The following KIF6 variants were observed in gnomAD, a reference collection of about 807,000 sequenced individuals.
KIF6 encodes the protein kinesin-like protein KIF6.
A neutral mutation model predicts 112.7 loss-of-function variants in KIF6; 106 were observed. The observed-to-expected ratio is 0.94, with a 90% CI of 0.80 to 1.11. KIF6 has a LOEUF of 1.11. Among genes scored for constraint, KIF6 ranks in the 50% least tolerant of loss-of-function variants. The probability of loss-of-function intolerance (pLI) is 0.00; values close to 1 mark genes in which losing one functional copy is unlikely to be tolerated. For missense variants in KIF6, 929 were observed against 964.0 expected, an observed-to-expected ratio of 0.96 and a Z score of 0.48; for synonymous variants, 339 against 339.9, an observed-to-expected ratio of 1.00 and a Z score of 0.03.
At position 39,596,039 on chromosome 6, in the gene KIF6, C is replaced by A; in HGVS notation, c.846+15G>T. ...TAGCTATAGTTATTAATACATCCCA[C>A]TCTGCCCATTTTACCTGTTCTAAGT... On this transcript the variant is annotated intron_variant, in intron 7 of 22. Transcript: ENST00000287152. 1 of 1,603,322 alleles carries A rather than the reference C, an allele frequency of 6.2e-7. No homozygotes were observed. Among genetic ancestry groups the A allele is most frequent in the Non-Finnish European group, 8.5e-7 (1 of 1,170,316 alleles).
chr6:39,537,857 A>AC (rs1778537875), intron 13 of KIF6, among the ~76,000 whole-genome samples: 1 of 152,234 alleles, frequency 6.6e-6, no homozygotes, highest in Non-Finnish European at 1.5e-5. Context: ...TGGTACTGGT[A>AC]CCAAAACAGA....
At chr6:39,640,584 G>A (rs766103476) in intron 3 of KIF6, among the ~76,000 whole-genome samples, 1 of 152,024 alleles carries the variant, frequency 6.6e-6, no homozygotes, top group Non-Finnish European at 1.5e-5. Flanking sequence ...TGTTGTGGGT[G>A]GATTTTTTGA....
At chr6:39,720,200 C>T (rs114592306) in intron 2 of KIF6, among the ~76,000 whole-genome samples, 292 of 152,214 alleles carry the variant, frequency 1.9e-3, no homozygotes, top group African/African-American at 6.8e-3. Context: ...TACTTTACAG[C>T]ACATCTCAAT....
intron 15 of KIF6, among the ~76,000 whole-genome samples, chr6:39,415,044 C>G (rs1769801055): frequency 6.6e-6 from 1 of 151,754 alleles, no homozygotes; most frequent in South Asian, 2.1e-4. Flanking sequence ...AAAAATTAGC[C>G]AGGTGTGGTG....
At chr6:39,510,907 G>T (rs1180993736) in intron 13 of KIF6, among the ~76,000 whole-genome samples, 25 of 141,082 alleles carry the variant, frequency 1.8e-4, no homozygotes, top group Non-Finnish European at 1.5e-5. Context: ...AGCAAGGGTT[G>T]CAATCCTGGT....
At chr6:39,703,876 A>G (rs1309307463) in intron 3 of KIF6, among the ~76,000 whole-genome samples, 2 of 152,224 alleles carry the variant, frequency 1.3e-5, no homozygotes, top group African/African-American at 4.8e-5. Flanking sequence ...ACATTTGTAT[A>G]GGAAGGATTT....
intron 20 of KIF6, among the ~76,000 whole-genome samples, chr6:39,346,049 G>GCTCTCGCTCTCT (rs1763695107): frequency 3.4e-5 from 1 of 28,994 alleles, no homozygotes; most frequent in African/African-American, 1.3e-4. Context: ...AAACTACAGT[G>GCTCTCGCTCTCT]CTCTCTCTCT....
rs764690943 is a variant in KIF6, at chr6:39,596,202, C to T, written c.698G>A (p.Ser233Asn). Reference sequence around the variant, plus strand: ...TACAGTTGCAGATCCTGGTTCCTTGCTTGACAAATGAATGGTGAAAATGCA... The same window carrying T: ...TACAGTTGCAGATCCTGGTTCCTTGTTTGACAAATGAATGGTGAAAATGCA... ...SHCIFTIHLS[S>N]KEPGSATVRH... Residue 233 changes from serine (S) to asparagine (N), a missense_variant, in exon 7 of 23, where the codon AGC (serine) becomes AAC (asparagine). By Grantham distance (46) the Ser-to-Asn change is conservative. This residue lies in a region of KIF6 where 688 missense variants were observed against 662.7 expected (regional missense o/e 1.04). Transcript: ENST00000287152. 2 of 1,614,028 alleles carry T rather than the reference C, an allele frequency of 1.2e-6. No individual in the cohort carries two copies. The highest frequency in any genetic ancestry group is 1.7e-6 in the Non-Finnish European group (2 of 1,179,976).
At chr6:39,560,286 C>A (rs1000919660) in intron 10 of KIF6, among the ~76,000 whole-genome samples, 13 of 152,168 alleles carry the variant, frequency 8.5e-5, no homozygotes, top group African/African-American at 3.1e-4. Context: ...AATGTTTCCC[C>A]ACTAATAATA....
At chr6:39,647,440 T>A (rs1039856781) in intron 3 of KIF6, among the ~76,000 whole-genome samples, 1 of 152,138 alleles carries the variant, frequency 6.6e-6, no homozygotes, top group East Asian at 1.9e-4. Flanking sequence ...CTTGATCCCA[T>A]CTTGGTTCCT....
chr6:39,675,048 T>C (rs1787051648), intron 3 of KIF6, among the ~76,000 whole-genome samples: 1 of 151,980 alleles, frequency 6.6e-6, no homozygotes, highest in African/African-American at 2.4e-5. Flanking sequence ...ACTTAGAGAT[T>C]CTGGATAAAA....
At chr6:39,575,955 C>T (rs542165397) in intron 10 of KIF6, among the ~76,000 whole-genome samples, 43 of 152,236 alleles carry the variant, frequency 2.8e-4, no homozygotes, top group African/African-American at 9.6e-4. Flanking sequence ...TTAGGTATGA[C>T]GAGAGATCCA....
At chr6:39,351,182 C>CTT (rs5875669) in intron 19 of KIF6, among the ~76,000 whole-genome samples, 17,198 of 106,136 alleles carry the variant, frequency 0.16, 1,597 homozygotes, top group East Asian at 0.26. Flanking sequence ...TAGGATTAAA[C>CTT]TTTTTTTTTT....
At chr6:39,710,058 C>A (rs1374605370) in intron 3 of KIF6, among the ~76,000 whole-genome samples, 4 of 151,994 alleles carry the variant, frequency 2.6e-5, no homozygotes, top group Non-Finnish European at 5.9e-5. Flanking sequence ...AAAGTGATTC[C>A]CTCCCCAGGC....
intron 8 of KIF6, 38 bp from the exon 9 acceptor site, chr6:39,585,022 TAG>T (rs1561837137): frequency 9.0e-7 from 1 of 1,112,602 alleles, no homozygotes; most frequent in African/African-American, 1.5e-5. Flanking sequence ...TATTATGGCA[TAG>T]AGAGATATTT....
At chr6:39,533,051 TAGCTCTGGTCTAA>T (rs1562293737) in intron 13 of KIF6, among the ~76,000 whole-genome samples, 1 of 152,210 alleles carries the variant, frequency 6.6e-6, no homozygotes, top group African/African-American at 2.4e-5. Context: ...TGAATAGGAA[TAGCTCTGGTCTAA>T]AGCTCCCAGC....
chr6:39,350,058 G>T (rs1764120259), intron 19 of KIF6, among the ~76,000 whole-genome samples: 1 of 152,162 alleles, frequency 6.6e-6, no homozygotes, highest in Admixed American at 6.5e-5. Flanking sequence ...TTTCTCAGCT[G>T]AAATGGCAAG....
rs1272712553 is a variant in KIF6, at chr6:39,596,010, A to G, written c.846+44T>C. On this transcript the variant is annotated intron_variant, in intron 7 of 22. Transcript: ENST00000287152. ...CTGATACATAGTATGTGGTCAACAC[A>G]TGGTAGCTATAGTTATTAATACATC... 4 of 1,465,100 alleles carry G rather than the reference A, an allele frequency of 2.7e-6. No homozygotes were observed. In the South Asian group the frequency reaches 3.4e-5, roughly 13 times the overall value. The allele number at this position is 1,465,100 out of a possible 1,614,324, so 90.8% of individuals were successfully genotyped here.
intron 13 of KIF6, among the ~76,000 whole-genome samples, chr6:39,485,608 C>A (rs1775065976): frequency 6.6e-6 from 1 of 152,106 alleles, no homozygotes; most frequent in Non-Finnish European, 1.5e-5. Flanking sequence ...AAGCATCTTC[C>A]ATTCTTCTGC....
Sources: gnomAD v4.1 joint callset for allele counts (sites outside exome capture counted in the v4.1 genomes callset) on GRCh38, gnomAD v4.1.1 for gene constraint, gnomAD v4.1.1 regional missense constraint, MANE v1.5 for transcripts, NCBI Gene and HGNC (gene_info 2026-07-23, HGNC 2026-07-21) for gene names.